CDC42BPA: variants seen among roughly 807,000 people sequenced by gnomAD.
CDC42BPA encodes serine/threonine-protein kinase MRCK alpha.
CDC42BPA carries 80 observed loss-of-function variants against 223.5 expected under a neutral mutation model. The ratio of observed to expected loss-of-function variants is 0.36; its 90% CI spans 0.30 to 0.43. The LOEUF (loss-of-function observed/expected upper bound fraction) is 0.43, where lower values mean the gene tolerates loss of function less well. CDC42BPA is among the 20% of genes least tolerant of loss of function. The probability of loss-of-function intolerance (pLI) is 1.00; values close to 1 mark genes in which losing one functional copy is unlikely to be tolerated. For missense variants in CDC42BPA, 1,743 were observed against 2,099.9 expected (o/e 0.83, Z 3.32); for synonymous variants, 694 against 718.6 (o/e 0.97, Z 0.55).
intron 2 of CDC42BPA, among the ~76,000 whole-genome samples, chr1:227,239,133 G>A (rs900094498): frequency 6.6e-6 from 1 of 152,124 alleles, no homozygotes. Flanking sequence ...AAGATGTAGA[G>A]GAACCATAAA....
intron 21 of CDC42BPA, among the ~76,000 whole-genome samples, chr1:227,055,826 G>C (rs967495618): frequency 6.6e-6 from 1 of 150,808 alleles, no homozygotes; most frequent in African/African-American, 2.4e-5. Flanking sequence ...ATACTTTAAG[G>C]TGTTACTCTG....
At chr1:227,119,777 C>T in intron 12 of CDC42BPA, 27 bp downstream of exon 12, 1 of 1,451,932 alleles carries the variant, frequency 6.9e-7, no homozygotes, top group Non-Finnish European at 9.4e-7. Flanking sequence ...AGAGAAAAAG[C>T]TTTAATGATC....
At position 227,144,695 on chromosome 1, in the gene CDC42BPA, G is replaced by A. The variant is rs115509910; in HGVS notation, c.1143+794C>T. On this transcript the variant is annotated intron_variant, in intron 8 of 36. Transcript: ENST00000366766. ...ATATAACCTAAAGGGTTATAGCAGA[G>A]GTCAATATACTATGTTGGCCTGTTT... Among the ~76,000 whole-genome samples, 695 of 151,844 alleles carry A rather than the reference G, an allele frequency of 4.6e-3. 5 individuals are homozygous for A. The highest frequency in any genetic ancestry group is 0.016 in the African/African-American group (670 of 41,386).
At chr1:227,179,021 T>C (rs1667450375) in intron 5 of CDC42BPA, among the ~76,000 whole-genome samples, 1 of 152,172 alleles carries the variant, frequency 6.6e-6, no homozygotes, top group African/African-American at 2.4e-5. Context: ...TCCTGACATA[T>C]CCTACAACAT....
At chr1:227,191,510 T>C (rs887032802) in intron 5 of CDC42BPA, among the ~76,000 whole-genome samples, 14 of 152,122 alleles carry the variant, frequency 9.2e-5, no homozygotes, top group African/African-American at 3.4e-4. Flanking sequence ...CACATAACAG[T>C]ATCTCTAACA....
At position 227,017,062 on chromosome 1, in the gene CDC42BPA, A is replaced by C. The variant is rs1264830778; in HGVS notation, c.4616-12T>G. ...CAGTTCGTCCCCTTCTGTTAAAATA[A>C]AAATACAAACGATAATGATGTTCTT... On this transcript the variant is annotated splice_polypyrimidine_tract_variant and intron_variant, in intron 32 of 36. Transcript: ENST00000366766. 2 of 1,605,816 alleles carry C rather than the reference A, an allele frequency of 1.2e-6. No homozygotes were observed. The highest frequency in any genetic ancestry group is 3.3e-4 in the Middle Eastern group (2 of 6,004).
At chr1:227,101,823 GA>G (rs1301257016) in intron 14 of CDC42BPA, among the ~76,000 whole-genome samples, 1 of 152,076 alleles carries the variant, frequency 6.6e-6, no homozygotes, top group Non-Finnish European at 1.5e-5. Context: ...GATTAAGAAG[GA>G]GAAGAAATTG....
At chr1:227,221,537 A>T (rs1016404206) in intron 2 of CDC42BPA, among the ~76,000 whole-genome samples, 5 of 56,072 alleles carry the variant, frequency 8.9e-5, no homozygotes, top group Non-Finnish European at 1.9e-4. Context: ...TCTCCCACCC[A>T]CCCTCCCTTC....
At chr1:227,106,550 A>G (rs1419296359) in intron 14 of CDC42BPA, among the ~76,000 whole-genome samples, 2 of 152,136 alleles carry the variant, frequency 1.3e-5, no homozygotes, top group African/African-American at 4.8e-5. Flanking sequence ...TATTCAGGGT[A>G]ATGCCAGCTT....
At chr1:227,279,872 C>T (rs1010647895) in intron 1 of CDC42BPA, among the ~76,000 whole-genome samples, 12 of 152,110 alleles carry the variant, frequency 7.9e-5, no homozygotes, top group Admixed American at 3.9e-4. Context: ...GCCTGGCCAA[C>T]ATGGTGAAAC....
At position 227,023,274 on chromosome 1, in the gene CDC42BPA, T is replaced by C. The variant is rs139110633; in HGVS notation, c.4604A>G (p.Asn1535Ser). The change falls in exon 32 of 37, where the codon AAT becomes AGT. Residue 1535 changes from asparagine (N) to serine (S), a missense_variant. Physicochemically the swap from Asn to Ser is conservative, Grantham distance 46 (BLOSUM62 1). Transcript: ENST00000366766. The stretch of plus-strand genomic sequence containing the variant: ...ATGTATTTTCTTACCTGCCATCTTA[T>C]TTTTGAAATATATTAATCTAATGGT... ...LETIRLIYFK[N>S]KMAEGDELVV... is the part of the protein sequence containing the mutation. The C allele has an allele frequency of 2.1e-6, 3 of 1,437,714 alleles. No individual in the cohort carries two copies. The highest frequency in any genetic ancestry group is 2.9e-6 in the Non-Finnish European group (3 of 1,030,920). The allele number at this position is 1,437,714 out of a possible 1,614,324, so 89.1% of individuals were successfully genotyped here.
At chr1:227,284,835 G>A (rs942357069) in intron 1 of CDC42BPA, among the ~76,000 whole-genome samples, 6 of 152,038 alleles carry the variant, frequency 3.9e-5, no homozygotes, top group East Asian at 3.9e-4. Flanking sequence ...GATGGTACAC[G>A]TCTGTCATCA....
intron 21 of CDC42BPA, among the ~76,000 whole-genome samples, chr1:227,064,188 A>G (rs957526124): frequency 6.6e-6 from 1 of 152,194 alleles, no homozygotes; most frequent in Non-Finnish European, 1.5e-5. Flanking sequence ...AGTATATCAG[A>G]GTAAGAAAAC....
At chr1:227,292,319 T>C (rs550345408) in intron 1 of CDC42BPA, among the ~76,000 whole-genome samples, 24 of 151,820 alleles carry the variant, frequency 1.6e-4, no homozygotes, top group African/African-American at 5.6e-4. Flanking sequence ...AGAAAAAATA[T>C]GAAATCAAAA....
rs532261167 is a variant in CDC42BPA, at chr1:227,192,300, C to T, written c.599+1486G>A. 7.7e-5 allele frequency among the ~76,000 whole-genome samples: 8 copies of T among 103,302 alleles called. No homozygotes were observed. In the South Asian group the frequency reaches 1.1e-3, roughly 15 times the overall value. 67.8% of individuals were successfully genotyped at this position (103,302 alleles called of 152,430 possible). A position where few individuals can be genotyped will look rare whatever the true frequency, so the allele number is the denominator to read the frequency against. The stretch of plus-strand genomic sequence containing the variant: ...ACTTAAAAGAAACAGTCACTGCTGT[C>T]TTAGAGCATAGTTCTGAGTGTGGTC... On this transcript the variant is annotated intron_variant, in intron 5 of 36. Transcript: ENST00000366766.
intron 34 of CDC42BPA, among the ~76,000 whole-genome samples, chr1:227,015,312 A>G (rs1475018768): frequency 6.6e-6 from 1 of 152,030 alleles, no homozygotes; most frequent in Non-Finnish European, 1.5e-5. Flanking sequence ...AATCCCAGCT[A>G]CTCAGGAGGC....
intron 2 of CDC42BPA, chr1:227,219,228 T>C (rs990703267): frequency 1.3e-5 from 2 of 152,186 alleles, no homozygotes; most frequent in African/African-American, 4.8e-5. Flanking sequence ...GTTATAGTAA[T>C]TAGAGGAAGC....
At chr1:227,055,941 C>T (rs1674454167) in intron 21 of CDC42BPA, among the ~76,000 whole-genome samples, 1 of 151,642 alleles carries the variant, frequency 6.6e-6, no homozygotes, top group Non-Finnish European at 1.5e-5. Context: ...ACTGTCCATA[C>T]TGCAAAACAT....
intron 3 of CDC42BPA, among the ~76,000 whole-genome samples, chr1:227,211,782 G>A (rs1390814258): frequency 6.6e-6 from 1 of 151,950 alleles, no homozygotes; most frequent in Non-Finnish European, 1.5e-5. Flanking sequence ...GGGTGGGAAG[G>A]GGGTGAGGGC....
Sources: gnomAD v4.1 joint callset for allele counts (sites outside exome capture counted in the v4.1 genomes callset) on GRCh38, gnomAD v4.1.1 for gene constraint, MANE v1.5 for transcripts, NCBI Gene and HGNC (gene_info 2026-07-23, HGNC 2026-07-21) for gene names.